Variants in AMOTL1 observed in about 807,000 individuals in gnomAD.
The protein encoded by AMOTL1 is angiomotin-like protein 1.
Under a neutral mutation model 102.9 loss-of-function variants are expected in AMOTL1, and 45 were observed. That is an observed-to-expected ratio of 0.44 (90% confidence interval 0.34 to 0.56). The LOEUF (loss-of-function observed/expected upper bound fraction) is 0.56. Ranked by LOEUF, AMOTL1 falls within the 20% of genes least tolerant of loss-of-function variation. AMOTL1 has a pLI of 0.01. For missense variants in AMOTL1, 1,114 were observed against 1,225.6 expected (o/e 0.91, Z 1.36); for synonymous variants, 481 against 484.7 (o/e 0.99, Z 0.10).
intron 6 of AMOTL1, among the ~76,000 whole-genome samples, chr11:94,847,826 C>T (rs990528593): frequency 2.6e-5 from 4 of 152,108 alleles, no homozygotes; most frequent in Non-Finnish European, 4.4e-5. Context: ...TGTGACATAG[C>T]AATCAATAAT....
At chr11:94,767,335 C>T (rs901804308), upstream of AMOTL1, among the ~76,000 whole-genome samples, 2 of 152,026 alleles carry the variant, frequency 1.3e-5, no homozygotes, top group African/African-American at 2.4e-5. Flanking sequence ...TAGGAGGGCC[C>T]ATCAGGGGAA....
In AMOTL1 at chr11:94,829,410, GCAA is replaced by G. The variant is rs1227548576; in HGVS notation, c.1414-639_1414-637del. ...GCTAATATTTGTATTTTTAGTAGAG[GCAA>G]GGTTTCACCATGTTGGCCAGACTGC... is the stretch of plus-strand genomic sequence containing the variant. On this transcript the variant is annotated intron_variant, in intron 4 of 12. Coordinates refer to ENST00000433060, the MANE Select transcript of AMOTL1 (RefSeq NM_130847.3). Among the ~76,000 whole-genome samples the G allele has an allele frequency of 1.6e-4, 24 of 151,890 alleles. No homozygotes were observed. The East Asian group carries it at 4.7e-3, about 29-fold the overall frequency.
intron 1 of AMOTL1, among the ~76,000 whole-genome samples, chr11:94,707,238 CTCTCTCTCTCTCTGTGTG>C (rs766864264): frequency 2.2e-3 from 183 of 82,884 alleles, no homozygotes; most frequent in Non-Finnish European, 3.4e-3. Flanking sequence ...CTCTCTCTCT[CTCTCTCTCTCTCTGTGTG>C]TGTGTGTGTG....
At chr11:94,728,098 T>C (rs2135454714) in intron 1 of AMOTL1, among the ~76,000 whole-genome samples, 1 of 152,338 alleles carries the variant, frequency 6.6e-6, no homozygotes, top group South Asian at 2.1e-4. Flanking sequence ...CTTGCTGCAT[T>C]CACAGATGTG....
At chr11:94,763,297 A>C (rs1421029829) in intron 3 of AMOTL1, among the ~76,000 whole-genome samples, 1 of 152,122 alleles carries the variant, frequency 6.6e-6, no homozygotes, top group Non-Finnish European at 1.5e-5. Context: ...GACAATGTAC[A>C]CTCAGTACTC....
upstream of AMOTL1, among the ~76,000 whole-genome samples, chr11:94,764,219 A>C (rs1336707851): frequency 6.6e-6 from 1 of 151,780 alleles, no homozygotes; most frequent in Non-Finnish European, 1.5e-5. Flanking sequence ...CTACACTCTG[A>C]TGTAGTAAAT....
rs1953032109 is a variant in AMOTL1 at position 94,873,087 on chromosome 11, TGA to T, written c.*2297_*2298del. ...TGCCTCCCTTAGACATAGGTTAGAG[TGA>T]GAGACCCAGCTGTTTCTCCCGAAGC... On this transcript the variant is annotated 3_prime_UTR_variant, in exon 13 of 13. Coordinates refer to ENST00000433060, the MANE Select transcript of AMOTL1 (RefSeq NM_130847.3). 6.6e-6 allele frequency: 1 copy of T among 152,056 alleles called. No individual in the cohort carries two copies. 9.4% of individuals were successfully genotyped at this position (152,056 alleles called of 1,614,324 possible). A position where few individuals can be genotyped will look rare whatever the true frequency, so the allele number is the denominator to read the frequency against.
chr11:94,869,818 A>G (rs1952959472), intron 12 of AMOTL1, among the ~76,000 whole-genome samples: 1 of 152,234 alleles, frequency 6.6e-6, no homozygotes, highest in Non-Finnish European at 1.5e-5. Context: ...CACCAGGTAC[A>G]TCAAAGGCAC....
intron 6 of AMOTL1, among the ~76,000 whole-genome samples, chr11:94,841,323 G>A (rs913265826): frequency 3.9e-5 from 6 of 152,006 alleles, no homozygotes; most frequent in Admixed American, 6.6e-5. Flanking sequence ...GTGGTGGCAC[G>A]CACCTGTAAT....
chr11:94,764,215 T>G (rs1950828572), upstream of AMOTL1, among the ~76,000 whole-genome samples: 1 of 151,880 alleles, frequency 6.6e-6, no homozygotes, highest in African/African-American at 2.4e-5. Context: ...CATACTACAC[T>G]CTGATGTAGT....
intron 10 of AMOTL1, 124 bp from the exon 11 acceptor site, chr11:94,865,818 C>T (rs1040160931): frequency 3.8e-6 from 3 of 793,024 alleles, no homozygotes; most frequent in East Asian, 2.7e-5. Context: ...TTTGAAGACT[C>T]GTACTGTGCT....
At chr11:94,717,972 A>G (rs1229307069) in intron 1 of AMOTL1, among the ~76,000 whole-genome samples, 2 of 152,078 alleles carry the variant, frequency 1.3e-5, no homozygotes, top group Non-Finnish European at 2.9e-5. Context: ...TCTTCCTCTC[A>G]TTATTTAAAA....
intron 3 of AMOTL1, among the ~76,000 whole-genome samples, chr11:94,753,713 T>C (rs1338121576): frequency 6.6e-6 from 1 of 152,200 alleles, no homozygotes; most frequent in African/African-American, 2.4e-5. Flanking sequence ...CATCTTCAGT[T>C]CCAGAGCAAG....
At chr11:94,836,022 T>C (rs1028302679) in intron 6 of AMOTL1, among the ~76,000 whole-genome samples, 1 of 152,234 alleles carries the variant, frequency 6.6e-6, no homozygotes, top group African/African-American at 2.4e-5. Context: ...TTGAATCTTA[T>C]TTTAGCTATT....
rs370778560 is a variant in AMOTL1 at position 94,777,798 on chromosome 11, T to C, written c.49+9238T>C. Among the ~76,000 whole-genome samples the C allele has an allele frequency of 1.6e-4, 25 of 152,282 alleles. 1 individual carries two copies. Among genetic ancestry groups the C allele is most frequent in the African/African-American group, 5.1e-4 (21 of 41,562 alleles). On this transcript the variant is annotated intron_variant, in intron 1 of 12. Transcript: ENST00000433060. Reference sequence around the variant, plus strand: ...GGACAGAATATAAATTAGGCAGAAATTTGGATACAGAATCACTCACTCCTT... The same window carrying C: ...GGACAGAATATAAATTAGGCAGAAACTTGGATACAGAATCACTCACTCCTT...
intron 1 of AMOTL1, among the ~76,000 whole-genome samples, chr11:94,790,207 C>T (rs571404046): frequency 6.6e-5 from 10 of 152,288 alleles, no homozygotes; most frequent in African/African-American, 2.2e-4. Context: ...TCAGTCAGCA[C>T]GTAGTAAGAA....
chr11:94,786,839 A>G (rs754998946), intron 1 of AMOTL1, among the ~76,000 whole-genome samples: 26 of 152,216 alleles, frequency 1.7e-4, no homozygotes, highest in Non-Finnish European at 3.5e-4. Flanking sequence ...TTATTTTAAA[A>G]TGTATCTGAA....
intron 11 of AMOTL1, chr11:94,866,789 TG>T (rs1952893822): frequency 1.3e-5 from 2 of 156,966 alleles, no homozygotes; most frequent in African/African-American, 4.8e-5. Flanking sequence ...AATGGGATAA[TG>T]GGGAGAGCAC....
At position 94,768,427 on chromosome 11, in the gene AMOTL1, G is replaced by C; in HGVS notation, c.-85G>C. 6.5e-7 allele frequency: 1 copy of C among 1,542,468 alleles called. No individual in the cohort carries two copies. Among genetic ancestry groups the C allele is most frequent in the Non-Finnish European group, 8.7e-7 (1 of 1,145,900 alleles). On this transcript the variant is annotated 5_prime_UTR_variant, in exon 1 of 13. The change abolishes an upstream ATG in the 5' untranslated region. Coordinates refer to ENST00000433060, the MANE Select transcript of AMOTL1 (RefSeq NM_130847.3). The stretch of plus-strand genomic sequence containing the variant: ...GCTGGAGGTGAAGCCCTGTGTGAAT[G>C]GGGTTGATTGTCCGGCGCCACTTCC...
Sources: allele counts gnomAD v4.1 joint callset (sites outside exome capture counted in the v4.1 genomes callset), GRCh38; gene constraint gnomAD v4.1.1; transcripts MANE v1.5; gene names NCBI Gene and HGNC (gene_info 2026-07-23, HGNC 2026-07-21).